Variants in INTU observed in about 807,000 individuals in gnomAD.
INTU encodes protein inturned.
In INTU, 68 loss-of-function variants were observed where a neutral mutation model predicts 100.5. The ratio of observed to expected loss-of-function variants is 0.68; its 90% CI spans 0.56 to 0.83. The LOEUF is 0.83. Ranked by LOEUF, INTU falls within the 40% of genes least tolerant of loss-of-function variation. INTU has a pLI of 0.00. For synonymous variants in INTU, 357 were observed against 395.7 expected, an observed-to-expected ratio of 0.90 and a Z score of 1.16; for missense variants, 1,071 against 1,114.7, an observed-to-expected ratio of 0.96 and a Z score of 0.56.
At chr4:127,712,057 A>G (rs957999369) in intron 14 of INTU, among the ~76,000 whole-genome samples, 10 of 151,984 alleles carry the variant, frequency 6.6e-5, no homozygotes, top group Non-Finnish European at 1.5e-4. Context: ...CAGCCAAAAA[A>G]CCTCTCTGAA....
At chr4:127,682,753 A>G (rs1443994246) in intron 6 of INTU, among the ~76,000 whole-genome samples, 4 of 152,044 alleles carry the variant, frequency 2.6e-5, no homozygotes, top group Admixed American at 2.6e-4. Context: ...TAATAATAAT[A>G]AAATAAAAAA....
rs1034536338 is a variant in INTU, at chr4:127,698,734, C to T, written c.1450-1276C>T. On this transcript the variant is annotated intron_variant, in intron 8 of 15. Coordinates refer to ENST00000335251, the MANE Select transcript of INTU (RefSeq NM_015693.4). ...AAGAGAAAAGATATTTGTATGTTTT[C>T]GTTTAAGGAATATAAACAAACATAT... Among the ~76,000 whole-genome samples the T allele has an allele frequency of 2.8e-4, 43 of 151,996 alleles. 1 individual carries two copies. Among genetic ancestry groups the T allele is most frequent in the South Asian group, 8.3e-4 (4 of 4,820 alleles).
At chr4:127,695,716 A>G (rs774726639) in intron 8 of INTU, among the ~76,000 whole-genome samples, 2 of 152,160 alleles carry the variant, frequency 1.3e-5, no homozygotes, top group Admixed American at 1.3e-4. Context: ...TGCATTAGCT[A>G]GGCCTCCCAC....
intron 2 of INTU, 124 bp downstream of exon 2, chr4:127,644,180 ATTTG>A (rs1727466736): frequency 3.9e-6 from 4 of 1,018,100 alleles, no homozygotes; most frequent in Non-Finnish European, 5.6e-6. Context: ...GATTAATGAC[ATTTG>A]GTACAGTAGA....
intron 6 of INTU, among the ~76,000 whole-genome samples, chr4:127,677,213 T>G (rs1225929224): frequency 1.3e-5 from 2 of 152,148 alleles, no homozygotes; most frequent in African/African-American, 2.4e-5. Context: ...TCTGCAGACT[T>G]AAATGTCCAT....
At chr4:127,713,294 C>A (rs1054164361) in intron 14 of INTU, among the ~76,000 whole-genome samples, 9 of 151,570 alleles carry the variant, frequency 5.9e-5, no homozygotes, top group African/African-American at 1.9e-4. Context: ...TTTTGGAGGG[C>A]AAACCAAAAA....
At chr4:127,681,265 A>G (rs1428809547) in intron 6 of INTU, among the ~76,000 whole-genome samples, 1 of 152,240 alleles carries the variant, frequency 6.6e-6, no homozygotes, top group Non-Finnish European at 1.5e-5. Flanking sequence ...TAAAGTTCAA[A>G]TGGAACCAAA....
At chr4:127,668,387 C>A (rs1026926472) in intron 4 of INTU, among the ~76,000 whole-genome samples, 4 of 151,836 alleles carry the variant, frequency 2.6e-5, no homozygotes, top group Non-Finnish European at 5.9e-5. Flanking sequence ...ATAAAATATG[C>A]TCTTTTAAAG....
At chr4:127,682,177 C>G (rs1227424400) in intron 6 of INTU, among the ~76,000 whole-genome samples, 1 of 151,940 alleles carries the variant, frequency 6.6e-6, no homozygotes, top group Non-Finnish European at 1.5e-5. Context: ...TAGTTCAGCC[C>G]TTGTGGAAGT....
intron 8 of INTU, among the ~76,000 whole-genome samples, chr4:127,697,643 G>T (rs1245864776): frequency 1.3e-5 from 2 of 151,906 alleles, no homozygotes; most frequent in Non-Finnish European, 2.9e-5. Flanking sequence ...ACAGGATTTT[G>T]TTCTTTTTAT....
chr4:127,676,481 G>A (rs556224939), intron 6 of INTU, among the ~76,000 whole-genome samples: 2 of 152,086 alleles, frequency 1.3e-5, no homozygotes, highest in South Asian at 4.2e-4. Context: ...AGCTACTTGG[G>A]AGGCTGAGGT....
intron 6 of INTU, among the ~76,000 whole-genome samples, chr4:127,681,157 C>G (rs1046714375): frequency 7.2e-5 from 11 of 152,130 alleles, no homozygotes; most frequent in African/African-American, 2.4e-5. Context: ...AAATCAATAT[C>G]ATGAAAATGG....
chr4:127,643,821 G>T lies in INTU; in HGVS notation c.447G>T (p.Lys149Asn). Residue 149 changes from lysine to asparagine, a missense_variant, in exon 2 of 16, where the codon AAG becomes AAT. Coordinates refer to ENST00000335251, the MANE Select transcript of INTU (RefSeq NM_015693.4). Reference protein sequence around the residue: ...VSILKHQSNQKTGVIVQQRYK... With the variant: ...VSILKHQSNQNTGVIVQQRYK... ...TTCTAAAGCATCAGTCCAATCAGAA[G>T]ACAGGAGTCATTGTCCAACAGCGAT... is the stretch of plus-strand genomic sequence containing the variant. 2 of 1,614,014 alleles carry T rather than the reference G, an allele frequency of 1.2e-6. No individual in the cohort carries two copies. The highest frequency in any genetic ancestry group is 1.7e-6 in the Non-Finnish European group (2 of 1,180,004).
Position 127,674,099 on chromosome 4 carries a change from T to TTATTTTGAA in INTU, c.1092-21_1092-13dup, listed in dbSNP as rs200425250. On this transcript the variant is annotated intron_variant, in intron 5 of 15. Transcript: ENST00000335251. ...TATGACATTTAAAGGTATTCTAACC[T>TTATTTTGAA]TATTTTGAATATATTGTTTCTTAGT... 1.9e-3 allele frequency: 2,838 copies of TTATTTTGAA among 1,479,486 alleles called. 47 individuals are homozygous for TTATTTTGAA. The African/African-American group carries it at 0.034, about 18-fold the overall frequency. The allele number at this position is 1,479,486 out of a possible 1,614,324, so 91.6% of individuals were successfully genotyped here. A position where few individuals can be genotyped will look rare whatever the true frequency, so the allele number is the denominator to read the frequency against.
chr4:127,652,236 G>T (rs1727921046), intron 2 of INTU, among the ~76,000 whole-genome samples: 1 of 139,348 alleles, frequency 7.2e-6, no homozygotes, highest in Non-Finnish European at 1.5e-5. Flanking sequence ...AATTGCCCTG[G>T]CCAGAACTTC....
chr4:127,695,590 A>G (rs563344422), intron 8 of INTU, among the ~76,000 whole-genome samples: 2 of 152,304 alleles, frequency 1.3e-5, no homozygotes, highest in Admixed American at 6.5e-5. Context: ...AGAAAATTGT[A>G]ATATATAAGA....
chr4:127,676,872 T>G (rs977268851), intron 6 of INTU, among the ~76,000 whole-genome samples: 17 of 152,224 alleles, frequency 1.1e-4, no homozygotes, highest in Middle Eastern at 6.8e-3. Context: ...AGACAGCACC[T>G]GGAAAATCGG....
At chr4:127,713,305 G>T (rs1731156058) in intron 14 of INTU, among the ~76,000 whole-genome samples, 1 of 152,116 alleles carries the variant, frequency 6.6e-6, no homozygotes, top group Non-Finnish European at 1.5e-5. Context: ...AAACCAAAAA[G>T]ATCTGTTGAT....
intron 2 of INTU, among the ~76,000 whole-genome samples, chr4:127,647,359 C>T (rs778509671): frequency 6.6e-6 from 1 of 152,194 alleles, no homozygotes; most frequent in Non-Finnish European, 1.5e-5. Context: ...AATCCCATTC[C>T]TTGGCCAGCT....
Sources: gnomAD v4.1 joint callset for allele counts (sites outside exome capture counted in the v4.1 genomes callset) on GRCh38, gnomAD v4.1.1 for gene constraint, MANE v1.5 for transcripts, NCBI Gene and HGNC (gene_info 2026-07-23, HGNC 2026-07-21) for gene names.